The following UBASH3B variants were observed in gnomAD, a reference collection of about 807,000 sequenced individuals.
The protein encoded by UBASH3B is ubiquitin-associated and SH3 domain-containing protein B.
UBASH3B carries 37 observed loss-of-function variants against 83.4 expected under a neutral mutation model. The observed-to-expected ratio is 0.44, with a 90% CI of 0.34 to 0.58. The LOEUF (loss-of-function observed/expected upper bound fraction) is 0.58. UBASH3B is among the 20% of genes least tolerant of loss of function. The pLI is 0.01. For missense variants in UBASH3B, 657 were observed against 827.2 expected (o/e 0.79, Z 2.52); for synonymous variants, 304 against 318.3 (o/e 0.96, Z 0.48).
rs75804091 is a variant in UBASH3B at position 122,785,325 on chromosome 11, C to T, written c.771+2103C>T. ...TGAGGTCTTTCGGTCCTACCTGAGC[C>T]GTCTGCACACGTAACCCTCTTCTTG... On this transcript the variant is annotated intron_variant, in intron 5 of 13. Coordinates refer to ENST00000284273, the MANE Select transcript of UBASH3B (RefSeq NM_032873.5). Among the ~76,000 whole-genome samples, 1,164 of 152,302 alleles carry T rather than the reference C, an allele frequency of 7.6e-3. 25 individuals carry two copies. Among genetic ancestry groups the T allele is most frequent in the African/African-American group, 0.026 (1,086 of 41,562 alleles).
intron 1 of UBASH3B, among the ~76,000 whole-genome samples, chr11:122,709,955 G>A (rs951195190): frequency 6.6e-6 from 1 of 152,008 alleles, no homozygotes; most frequent in Admixed American, 6.6e-5. Flanking sequence ...CCAGGAGTTC[G>A]AGACCGCCTG....
chr11:122,758,343 TAGC>T lies in UBASH3B; in HGVS notation c.162-17872_162-17870del, dbSNP rs1269548955. ...TCAGGAAATTGAGCGTAACCTTTCT[TAGC>T]AGCTTAGCAGTGGTGGAACGGGCAG... is the stretch of plus-strand genomic sequence containing the variant. On this transcript the variant is annotated intron_variant, in intron 1 of 13. Transcript: ENST00000284273. The surrounding 1 kb of genome is among the most constrained non-coding windows in gnomAD (Gnocchi z 4.2). Among the ~76,000 whole-genome samples, 1 of 152,234 alleles carries T rather than the reference TAGC, an allele frequency of 6.6e-6. No individual in the cohort carries two copies. The highest frequency in any genetic ancestry group is 1.5e-5 in the Non-Finnish European group (1 of 68,042).
chr11:122,735,659 A>G (rs1307398422), intron 1 of UBASH3B, among the ~76,000 whole-genome samples: 2 of 152,212 alleles, frequency 1.3e-5, no homozygotes, highest in African/African-American at 4.8e-5. Context: ...ACCATATTTC[A>G]CAGAGAAATA....
At chr11:122,785,008 G>A (rs1049769137) in intron 5 of UBASH3B, among the ~76,000 whole-genome samples, 2 of 152,142 alleles carry the variant, frequency 1.3e-5, no homozygotes, top group Non-Finnish European at 2.9e-5. Flanking sequence ...CAAGGGTTGC[G>A]TGCAGATGGC....
chr11:122,770,781 C>T (rs756778798), intron 1 of UBASH3B, among the ~76,000 whole-genome samples: 7 of 152,046 alleles, frequency 4.6e-5, no homozygotes, highest in Non-Finnish European at 7.4e-5. Context: ...AGCTGCAGTG[C>T]CAGATCAGTC....
chr11:122,756,809 C>T (rs1861290207), intron 1 of UBASH3B, among the ~76,000 whole-genome samples: 1 of 152,114 alleles, frequency 6.6e-6, no homozygotes, highest in Admixed American at 6.6e-5. Flanking sequence ...AACACTGGAC[C>T]AAAGAGGTTG....
At chr11:122,695,151 A>T (rs1863950629) in intron 1 of UBASH3B, among the ~76,000 whole-genome samples, 3 of 150,682 alleles carry the variant, frequency 2.0e-5, no homozygotes. Context: ...TTTCTTAGAC[A>T]CGGGGTTTCA....
intron 1 of UBASH3B, among the ~76,000 whole-genome samples, chr11:122,712,903 T>G (rs1255100330): frequency 3.3e-5 from 3 of 89,636 alleles, no homozygotes; most frequent in Admixed American, 1.0e-4. Context: ...GTGGTTTTTT[T>G]TTTTTTTTTT....
intron 1 of UBASH3B, among the ~76,000 whole-genome samples, chr11:122,714,712 C>T (rs1273666852): frequency 6.6e-6 from 1 of 152,182 alleles, no homozygotes; most frequent in Non-Finnish European, 1.5e-5. Flanking sequence ...CTTCCTCTTT[C>T]CATCTTCGCA....
intron 1 of UBASH3B, chr11:122,727,415 GAGGA>G (rs1327766375): frequency 6.6e-6 from 1 of 152,230 alleles, no homozygotes; most frequent in Non-Finnish European, 1.5e-5. Context: ...GAGAGGCTCA[GAGGA>G]AGGAAGTTGT....
intron 1 of UBASH3B, among the ~76,000 whole-genome samples, chr11:122,755,111 G>C (rs1009666622): frequency 6.6e-6 from 1 of 151,992 alleles, no homozygotes; most frequent in African/African-American, 2.4e-5. Context: ...CAGACTACAC[G>C]GTTCTCTCTT....
At chr11:122,796,773 T>G (rs768305298) in intron 8 of UBASH3B, 138 bp from the exon 9 acceptor site, 393 of 1,150,112 alleles carry the variant, frequency 3.4e-4, no homozygotes, top group Admixed American at 1.4e-3. Context: ...AGCCTTGATA[T>G]TTTCTATCAG....
rs962632382 is a variant in UBASH3B, at chr11:122,655,795, C to G, written c.-255C>G. ...AGACAGGGCTACTGCAGGCGCAGAG[C>G]TGGGGGCAGCCGGGGGCCCGAGTGG... On this transcript the variant is annotated 5_prime_UTR_variant, in exon 1 of 14. Coordinates refer to ENST00000284273, the MANE Select transcript of UBASH3B (RefSeq NM_032873.5). The G allele has an allele frequency of 6.0e-5, 26 of 434,980 alleles. No individual in the cohort carries two copies. The highest frequency in any genetic ancestry group is 8.1e-5 in the Non-Finnish European group (20 of 245,470). 26.9% of individuals were successfully genotyped at this position (434,980 alleles called of 1,614,324 possible).
intron 1 of UBASH3B, among the ~76,000 whole-genome samples, chr11:122,755,530 C>A (rs1017341671): frequency 2.0e-5 from 3 of 152,130 alleles, no homozygotes; most frequent in African/African-American, 7.2e-5. Flanking sequence ...AAAGCCTCCA[C>A]CATGAATGAA....
chr11:122,738,099 G>A lies in UBASH3B; in HGVS notation c.162-38120G>A, dbSNP rs78663294. On this transcript the variant is annotated intron_variant, in intron 1 of 13. Transcript: ENST00000284273. ...GGGAGGGCTCCTAATGGGAAATGCC[G>A]TTGAGAGGTCAAGAGACAAAAATCC... Among the ~76,000 whole-genome samples, 940 of 152,326 alleles carry A rather than the reference G, an allele frequency of 6.2e-3. 5 individuals are homozygous for A. Among genetic ancestry groups the A allele is most frequent in the African/African-American group, 0.02 (852 of 41,564 alleles).
At chr11:122,663,768 C>A (rs1863479203) in intron 1 of UBASH3B, among the ~76,000 whole-genome samples, 1 of 152,240 alleles carries the variant, frequency 6.6e-6, no homozygotes, top group Admixed American at 6.5e-5. Flanking sequence ...GAACTTGTGG[C>A]AGCCTGGCTT....
At chr11:122,790,562 CATT>C (rs1472379298) in intron 6 of UBASH3B, among the ~76,000 whole-genome samples, 2 of 152,162 alleles carry the variant, frequency 1.3e-5, no homozygotes, top group Non-Finnish European at 2.9e-5. Flanking sequence ...AGAACTAAAA[CATT>C]ATTTGCCTGA....
chr11:122,666,118 C>T (rs892247457), intron 1 of UBASH3B, among the ~76,000 whole-genome samples: 10 of 152,224 alleles, frequency 6.6e-5, no homozygotes, highest in African/African-American at 2.4e-4. Flanking sequence ...GCACAGATGG[C>T]CAGAGGCAGC....
intron 1 of UBASH3B, among the ~76,000 whole-genome samples, chr11:122,660,841 T>A (rs1260612570): frequency 6.6e-6 from 1 of 152,182 alleles, no homozygotes; most frequent in African/African-American, 2.4e-5. Context: ...GAGATAATAG[T>A]CTTGGGAAGG....
Sources: gnomAD v4.1 joint callset for allele counts (sites outside exome capture counted in the v4.1 genomes callset) on GRCh38, gnomAD v4.1.1 for gene constraint, Gnocchi (gnomAD v3.1) non-coding constraint, MANE v1.5 for transcripts, NCBI Gene and HGNC (gene_info 2026-07-23, HGNC 2026-07-21) for gene names.